The following CD200R1 variants were observed in gnomAD, a reference collection of about 807,000 sequenced individuals.
CD200R1 encodes cell surface glycoprotein CD200 receptor 1.
Under a neutral mutation model 38.1 loss-of-function variants are expected in CD200R1, and 30 were observed. The observed-to-expected ratio is 0.79, with a 90% CI of 0.59 to 1.07. CD200R1 has a LOEUF of 1.07. Among genes scored for constraint, CD200R1 ranks in the 50% least tolerant of loss-of-function variants. CD200R1 has a pLI of 0.00. For missense variants in CD200R1, 372 were observed against 415.4 expected (o/e 0.90, Z 0.91); for synonymous variants, 128 against 152.1 (o/e 0.84, Z 1.16).
At chr3:112,930,594 A>G (rs1940406134) in intron 3 of CD200R1, among the ~76,000 whole-genome samples, 1 of 152,248 alleles carries the variant, frequency 6.6e-6, no homozygotes, top group Admixed American at 6.5e-5. Flanking sequence ...TTAGTCCACC[A>G]AAGTATTTGT....
chr3:112,946,836 G>A (rs1370178846), intron 2 of CD200R1, among the ~76,000 whole-genome samples: 2 of 152,106 alleles, frequency 1.3e-5, no homozygotes, highest in African/African-American at 2.4e-5. Context: ...CCGTGCATGG[G>A]TGTTAATTGC....
rs1474238692 is a variant in CD200R1, at chr3:112,954,022, GTTTA to G, written c.68-6102_68-6099del. 9.9e-5 allele frequency among the ~76,000 whole-genome samples: 15 copies of G among 152,054 alleles called. No homozygotes were observed. The South Asian group carries it at 1.0e-3, about 11-fold the overall frequency. ...TTAACTTAAGGGTCAACATTCGGTTGTTTATTTGAGATTTTTCTTCTTTCTTAAT... is the reference window on the plus strand; with the variant it reads ...TTAACTTAAGGGTCAACATTCGGTTGTTTGAGATTTTTCTTCTTTCTTAAT... On this transcript the variant is annotated intron_variant, in intron 1 of 7. Transcript: ENST00000308611.
At position 112,922,893 on chromosome 3, in the gene CD200R1, A is replaced by G. The variant is rs1940203061; in HGVS notation, c.*784T>C. On this transcript the variant is annotated 3_prime_UTR_variant, in exon 8 of 8. Coordinates refer to ENST00000308611, the MANE Select transcript of CD200R1 (RefSeq NM_138806.4). ...GACACAATTTAACATATATATCAAT[A>G]GTAAAATGCACAAACCCTTTGACCT... 1 of 151,936 alleles carries G rather than the reference A, an allele frequency of 6.6e-6. No homozygotes were observed. Among genetic ancestry groups the G allele is most frequent in the Admixed American group, 6.6e-5 (1 of 15,198 alleles). The allele number at this position is 151,936 out of a possible 1,614,324, so 9.4% of individuals were successfully genotyped here. A position where few individuals can be genotyped will look rare whatever the true frequency, so the allele number is the denominator to read the frequency against.
At chr3:112,930,672 T>C (rs528245967) in intron 3 of CD200R1, among the ~76,000 whole-genome samples, 1 of 152,338 alleles carries the variant, frequency 6.6e-6, no homozygotes, top group South Asian at 2.1e-4. Context: ...GAATCAGCTA[T>C]AGAGGGGCAA....
At position 112,924,495 on chromosome 3, in the gene CD200R1, C is replaced by T; in HGVS notation, c.919G>A (p.Glu307Lys). ...LNKTESTPVVEEDEMQPYASY... is the reference protein window; with the variant it reads ...LNKTESTPVVKEDEMQPYASY... ...TCTTTTTTATCTTATCTTACCTCCTCAACAACTGGAGTAGATTCTGTTTTA... is the reference window on the plus strand; with the variant it reads ...TCTTTTTTATCTTATCTTACCTCCTTAACAACTGGAGTAGATTCTGTTTTA... Residue 307 changes from glutamate (E) to lysine (K), a missense_variant, in exon 7 of 8, where the codon GAG becomes AAG. Glu to Lys is a moderately conservative substitution (Grantham distance 56, BLOSUM62 1). Transcript: ENST00000308611. 1 of 1,332,428 alleles carries T rather than the reference C, an allele frequency of 7.5e-7. No individual in the cohort carries two copies. The highest frequency in any genetic ancestry group is 9.8e-7 in the Non-Finnish European group (1 of 1,017,040). 82.5% of individuals were successfully genotyped at this position (1,332,428 alleles called of 1,614,324 possible).
chr3:112,946,032 CA>C (rs1208921538), intron 2 of CD200R1, among the ~76,000 whole-genome samples: 75 of 71,812 alleles, frequency 1.0e-3, no homozygotes, highest in East Asian at 5.4e-3. Flanking sequence ...GACTCCGTCT[CA>C]AAAAAAAAAA....
chr3:112,931,209 T>C (rs1002497211), intron 2 of CD200R1, 38 bp from the exon 3 acceptor site: 11 of 1,343,956 alleles, frequency 8.2e-6, no homozygotes, highest in Non-Finnish European at 1.2e-5. Flanking sequence ...GAAATCAATT[T>C]TATGTACTCA....
At chr3:112,967,839 G>A (rs924300016) in intron 1 of CD200R1, among the ~76,000 whole-genome samples, 1 of 152,122 alleles carries the variant, frequency 6.6e-6, no homozygotes, top group Admixed American at 6.5e-5. Context: ...CTATGAAGGT[G>A]TTCAAAACTC....
At chr3:112,974,497 A>C (rs1373178020) in intron 1 of CD200R1, among the ~76,000 whole-genome samples, 1 of 152,082 alleles carries the variant, frequency 6.6e-6, no homozygotes, top group African/African-American at 2.4e-5. Context: ...GATTGCTGCT[A>C]GTATGTATTT....
At chr3:112,928,346 A>G (rs1329095383) in intron 5 of CD200R1, among the ~76,000 whole-genome samples, 1 of 152,190 alleles carries the variant, frequency 6.6e-6, no homozygotes, top group African/African-American at 2.4e-5. Flanking sequence ...AGCAGAGAGT[A>G]AATAAACTAA....
Position 112,929,225 on chromosome 3 carries a change from C to T in CD200R1, c.485G>A (p.Gly162Glu), listed in dbSNP as rs780105126. 64 of 1,613,966 alleles carry T rather than the reference C, an allele frequency of 4.0e-5. No homozygotes were observed. Among genetic ancestry groups the T allele is most frequent in the Admixed American group, 1.3e-4 (8 of 59,982 alleles). The change falls in exon 4 of 8, where the codon GGG becomes GAG. Residue 162 changes from glycine (G) to glutamate (E), a missense_variant. Gly to Glu is a moderately conservative substitution (Grantham distance 98, BLOSUM62 -2). Coordinates refer to ENST00000308611, the MANE Select transcript of CD200R1 (RefSeq NM_138806.4). The part of the protein sequence containing the change: ...YYRCIMVTPD[G>E]NFHRGYHLQV... The stretch of plus-strand genomic sequence containing the variant: ...GAGGTGATATCCACGATGGAAATTC[C>T]CATCAGGTGTTACCATTATGCATCT...
intron 1 of CD200R1, among the ~76,000 whole-genome samples, chr3:112,961,799 C>A (rs1933025947): frequency 2.0e-5 from 3 of 151,804 alleles, no homozygotes; most frequent in Admixed American, 1.3e-4. Context: ...ATGCTGAAAA[C>A]ACATGAACCA....
In CD200R1 at chr3:112,947,893, T is replaced by A; in HGVS notation, c.99A>T (p.Ser33=). ...TCTCCTTGCTAGTTTGCAGCATTAA[T>A]GAGTTGTTTGGTTGAGCAGCACCCT... is the stretch of plus-strand genomic sequence containing the variant. ...EAEGAAQPNN[S]LMLQTSKENH... The change falls in exon 2 of 8, where the codon TCA becomes TCT. Residue 33 remains serine (S), a synonymous_variant. Transcript: ENST00000308611. The A allele has an allele frequency of 6.2e-7, 1 of 1,613,296 alleles. No homozygotes were observed. Among genetic ancestry groups the A allele is most frequent in the East Asian group, 2.2e-5 (1 of 44,864 alleles).
intron 2 of CD200R1, among the ~76,000 whole-genome samples, chr3:112,945,825 C>T (rs549170652): frequency 2.0e-5 from 3 of 152,072 alleles, no homozygotes; most frequent in African/African-American, 4.8e-5. Context: ...GTCAGGAAAT[C>T]GAGACCATCT....
intron 1 of CD200R1, among the ~76,000 whole-genome samples, chr3:112,958,628 A>G (rs1380421636): frequency 6.6e-6 from 1 of 152,206 alleles, no homozygotes; most frequent in African/African-American, 2.4e-5. Flanking sequence ...TTGTACATAA[A>G]TTATTCTTCC....
Position 112,952,663 on chromosome 3 carries a change from C to A in CD200R1, c.68-4739G>T, listed in dbSNP as rs937580804. On this transcript the variant is annotated intron_variant, in intron 1 of 7. Coordinates refer to ENST00000308611, the MANE Select transcript of CD200R1 (RefSeq NM_138806.4). ...GGGTGGGAGGAGGGGGGAGGGATAGCATTGGGAGATATACCTAATGCTACA... is the reference window on the plus strand; with the variant it reads ...GGGTGGGAGGAGGGGGGAGGGATAGAATTGGGAGATATACCTAATGCTACA... Among the ~76,000 whole-genome samples, 20 of 152,172 alleles carry A rather than the reference C, an allele frequency of 1.3e-4. No homozygotes were observed. The East Asian group carries it at 3.5e-3, about 26-fold the overall frequency.
chr3:112,937,344 T>A (rs1056283153), intron 2 of CD200R1, among the ~76,000 whole-genome samples: 1 of 152,052 alleles, frequency 6.6e-6, no homozygotes, highest in Non-Finnish European at 1.5e-5. Flanking sequence ...CATTTCAAGA[T>A]GAGATTTGGG....
At chr3:112,945,160 T>C (rs1054968911) in intron 2 of CD200R1, among the ~76,000 whole-genome samples, 4 of 152,196 alleles carry the variant, frequency 2.6e-5, no homozygotes, top group Non-Finnish European at 5.9e-5. Flanking sequence ...ACTTGATCTA[T>C]GTATTCAACA....
chr3:112,972,277 G>T (rs1933329713), intron 1 of CD200R1, among the ~76,000 whole-genome samples: 1 of 152,130 alleles, frequency 6.6e-6, no homozygotes, highest in Non-Finnish European at 1.5e-5. Flanking sequence ...CAATTGTTTT[G>T]AATCTTTTTC....
Sources: gnomAD v4.1 joint callset for allele counts (sites outside exome capture counted in the v4.1 genomes callset) on GRCh38, gnomAD v4.1.1 for gene constraint, MANE v1.5 for transcripts, NCBI Gene and HGNC (gene_info 2026-07-23, HGNC 2026-07-21) for gene names.